The following CLIC6 variants were observed in gnomAD, a reference collection of about 807,000 sequenced individuals.
CLIC6 encodes CLIC family member 6.
In CLIC6, 39 loss-of-function variants were observed where a neutral mutation model predicts 49.2. The observed-to-expected ratio is 0.79, with a 90% CI of 0.61 to 1.04. The LOEUF (loss-of-function observed/expected upper bound fraction) is 1.04. Ranked by LOEUF, CLIC6 falls within the 50% of genes least tolerant of loss-of-function variation. The pLI is 0.00. For synonymous variants in CLIC6, 446 were observed against 433.4 expected, an observed-to-expected ratio of 1.03 and a Z score of -0.36; for missense variants, 988 against 993.1, an observed-to-expected ratio of 0.99 and a Z score of 0.07.
At chr21:34,714,126 A>G (rs993853957) in intron 5 of CLIC6, among the ~76,000 whole-genome samples, 1 of 152,252 alleles carries the variant, frequency 6.6e-6, no homozygotes, top group Admixed American at 6.5e-5. Flanking sequence ...TGATGAAATA[A>G]CAAAATCATA....
At chr21:34,703,483 G>C (rs1462760661) in intron 1 of CLIC6, among the ~76,000 whole-genome samples, 1 of 152,114 alleles carries the variant, frequency 6.6e-6, no homozygotes, top group African/African-American at 2.4e-5. Flanking sequence ...TGAAGGCAGT[G>C]GTGGGGCAGA....
chr21:34,680,396 GA>G (rs2145800431), intron 1 of CLIC6, among the ~76,000 whole-genome samples: 1 of 152,342 alleles, frequency 6.6e-6, no homozygotes, highest in South Asian at 2.1e-4. Flanking sequence ...CCAGGCCTGT[GA>G]TGGGAGGGGT....
chr21:34,698,570 G>T (rs1257874861), intron 1 of CLIC6, among the ~76,000 whole-genome samples: 1 of 152,126 alleles, frequency 6.6e-6, no homozygotes, highest in Non-Finnish European at 1.5e-5. Context: ...GAAGGAAGGA[G>T]AGCAGATTAT....
chr21:34,694,135 A>ATTT lies in CLIC6; in HGVS notation c.1375-13130_1375-13128dup, dbSNP rs57210806. ...ACTACAGCACCACCACGCCTGGTTA[A>ATTT]TTTTTTTTTTTTTTTTTGTATTTTT... On this transcript the variant is annotated intron_variant, in intron 1 of 5. Transcript: ENST00000349499. Among the ~76,000 whole-genome samples the ATTT allele has an allele frequency of 6.3e-3, 804 of 128,404 alleles. 13 individuals are homozygous for ATTT. The highest frequency in any genetic ancestry group is 9.1e-3 in the African/African-American group (290 of 32,016). 84.2% of individuals were successfully genotyped at this position (128,404 alleles called of 152,430 possible).
intron 1 of CLIC6, among the ~76,000 whole-genome samples, chr21:34,685,193 C>A (rs990886094): frequency 9.9e-5 from 15 of 152,272 alleles, no homozygotes; most frequent in Admixed American, 8.5e-4. Flanking sequence ...CTCCAGCAAT[C>A]CCCCAAGCGG....
chr21:34,675,999 T>C (rs1215987655), intron 1 of CLIC6, among the ~76,000 whole-genome samples: 3 of 91,482 alleles, frequency 3.3e-5, no homozygotes, highest in Non-Finnish European at 6.4e-5. Context: ...CCCGTCTCTG[T>C]CTGGGCTGAC....
chr21:34,683,013 G>A (rs979271757), intron 1 of CLIC6, among the ~76,000 whole-genome samples: 21 of 151,674 alleles, frequency 1.4e-4, no homozygotes, highest in East Asian at 3.9e-4. Context: ...GGGTTTCACC[G>A]TGTTAGCCAA....
intron 1 of CLIC6, among the ~76,000 whole-genome samples, chr21:34,673,268 A>G (rs1379774379): frequency 2.0e-5 from 3 of 151,998 alleles, no homozygotes; most frequent in South Asian, 2.1e-4. Context: ...TAGATCTCCA[A>G]ATGATGAGAT....
At chr21:34,707,439 A>G (rs1424172164) in intron 2 of CLIC6, 50 bp downstream of exon 2, 11 of 383,606 alleles carry the variant, frequency 2.9e-5, no homozygotes, top group Middle Eastern at 1.3e-3. Context: ...AGTTCTCTGC[A>G]CACACACACA....
rs1222147405 is a variant in CLIC6, at chr21:34,700,457, A to AG, written c.1375-6823_1375-6822insG. On this transcript the variant is annotated intron_variant, in intron 1 of 5. Transcript: ENST00000349499. ...GCGAGACTCCGTCTCAAAAAAAAAA[A>AG]AAAAAGAAAAGAAAAGAATAAGAGA... Among the ~76,000 whole-genome samples the AG allele has an allele frequency of 6.9e-3, 962 of 139,654 alleles. 140 individuals are homozygous for AG. The highest frequency in any genetic ancestry group is 0.046 in the Middle Eastern group (13 of 284). The allele number at this position is 139,654 out of a possible 152,430, so 91.6% of individuals were successfully genotyped here. A position where few individuals can be genotyped will look rare whatever the true frequency, so the allele number is the denominator to read the frequency against.
At chr21:34,684,548 G>A (rs1271434378) in intron 1 of CLIC6, among the ~76,000 whole-genome samples, 5 of 152,200 alleles carry the variant, frequency 3.3e-5, no homozygotes, top group Non-Finnish European at 7.3e-5. Flanking sequence ...ACATTTTGTA[G>A]AATGTAATTT....
Position 34,670,140 on chromosome 21 carries a change from A to AGGCGGGGGACCC in CLIC6, c.763_774dup (p.Pro255_Asp258dup). The stretch of plus-strand genomic sequence containing the variant: ...GAGGGCCGGGTGGGGGACAGCGTAG[A>AGGCGGGGGACCC]GGCGGGGGACCCGGCGGGGGACGGC... On this transcript the variant is annotated inframe_insertion, in exon 1 of 6. Coordinates refer to ENST00000349499, the MANE Select transcript of CLIC6 (RefSeq NM_053277.3). 7.6e-7 allele frequency: 1 copy of AGGCGGGGGACCC among 1,318,558 alleles called. No individual in the cohort carries two copies. Among genetic ancestry groups the AGGCGGGGGACCC allele is most frequent in the East Asian group, 3.3e-5 (1 of 30,180 alleles). The allele number at this position is 1,318,558 out of a possible 1,614,324, so 81.7% of individuals were successfully genotyped here.
intron 1 of CLIC6, among the ~76,000 whole-genome samples, chr21:34,681,067 A>G (rs1357195057): frequency 6.6e-6 from 1 of 152,258 alleles, no homozygotes; most frequent in Non-Finnish European, 1.5e-5. Flanking sequence ...TCATACTGCA[A>G]TAAAGAACTG....
chr21:34,677,522 G>A (rs529195773), intron 1 of CLIC6, among the ~76,000 whole-genome samples: 6 of 152,280 alleles, frequency 3.9e-5, no homozygotes, highest in South Asian at 4.1e-4. Flanking sequence ...GGTGGATAAA[G>A]CATCTTACCC....
intron 1 of CLIC6, among the ~76,000 whole-genome samples, chr21:34,696,942 C>T (rs753081698): frequency 2.1e-4 from 32 of 152,088 alleles, no homozygotes; most frequent in Non-Finnish European, 4.1e-4. Flanking sequence ...TCCTGGGACG[C>T]GGCACCCGTT....
chr21:34,693,169 C>T (rs1043251434), intron 1 of CLIC6, among the ~76,000 whole-genome samples: 4 of 152,176 alleles, frequency 2.6e-5, no homozygotes, highest in African/African-American at 7.2e-5. Context: ...TGCCTTCTTC[C>T]GGTGATTCTT....
chr21:34,689,786 T>C (rs1989956080), intron 1 of CLIC6, among the ~76,000 whole-genome samples: 1 of 152,158 alleles, frequency 6.6e-6, no homozygotes, highest in South Asian at 2.1e-4. Flanking sequence ...TTCTTTTCAA[T>C]CCACTTTCTT....
At chr21:34,693,123 C>A (rs971028962) in intron 1 of CLIC6, among the ~76,000 whole-genome samples, 1 of 152,186 alleles carries the variant, frequency 6.6e-6, no homozygotes. Flanking sequence ...CTGTTCAGGT[C>A]CTAATTCTGT....
At chr21:34,678,355 T>C (rs1321831411) in intron 1 of CLIC6, among the ~76,000 whole-genome samples, 1 of 150,076 alleles carries the variant, frequency 6.7e-6, no homozygotes, top group Non-Finnish European at 1.5e-5. Context: ...GGCAGGAGAA[T>C]GGCGTGAACC....
Sources: gnomAD v4.1 joint callset for allele counts (sites outside exome capture counted in the v4.1 genomes callset) on GRCh38, gnomAD v4.1.1 for gene constraint, MANE v1.5 for transcripts, NCBI Gene and HGNC (gene_info 2026-07-23, HGNC 2026-07-21) for gene names.